Variants in DLG2 observed in about 807,000 individuals in gnomAD.
DLG2 encodes discs large MAGUK scaffold protein 2, also known as disks large homolog 2.
In DLG2, 45 loss-of-function variants were observed where a neutral mutation model predicts 132.5. That is an observed-to-expected ratio of 0.34 (90% CI 0.27 to 0.44). DLG2 has a LOEUF of 0.44. Ranked by LOEUF, DLG2 falls within the 20% of genes least tolerant of loss-of-function variation. The probability of loss-of-function intolerance (pLI) is 1.00; values close to 1 mark genes in which losing one functional copy is unlikely to be tolerated. For synonymous variants in DLG2, 424 were observed against 419.6 expected (o/e 1.01, Z -0.13); for missense variants, 1,045 against 1,196.9 (o/e 0.87, Z 1.87).
intron 3 of DLG2, among the ~76,000 whole-genome samples, chr11:85,467,208 G>T (rs1020169628): frequency 7.2e-5 from 11 of 152,050 alleles, no homozygotes; most frequent in Admixed American, 6.6e-4. Context: ...GGAGATTTTG[G>T]GCTGAGACGA....
intron 6 of DLG2, chr11:84,720,590 GGAA>G (rs1565772098): frequency 1.8e-5 from 10 of 568,238 alleles, no homozygotes; most frequent in Non-Finnish European, 2.2e-5. Context: ...CCTTCCCTGG[GGAA>G]CGAGGCGTGT....
At chr11:85,024,877 A>G (rs1474383286) in intron 6 of DLG2, among the ~76,000 whole-genome samples, 1 of 152,202 alleles carries the variant, frequency 6.6e-6, no homozygotes, top group Non-Finnish European at 1.5e-5. Context: ...ATTCCTTCCA[A>G]GGTGGAAGTG....
At chr11:85,168,288 C>G (rs2078603766) in intron 4 of DLG2, among the ~76,000 whole-genome samples, 1 of 152,116 alleles carries the variant, frequency 6.6e-6, no homozygotes. Context: ...ACAACATGCT[C>G]TGAAACTTCA....
At chr11:85,199,883 T>G (rs926798887) in intron 4 of DLG2, among the ~76,000 whole-genome samples, 10 of 152,070 alleles carry the variant, frequency 6.6e-5, no homozygotes, top group African/African-American at 2.4e-4. Context: ...ATATAGAACT[T>G]TGGGTTCTAC....
chr11:84,770,878 A>C (rs375156166), intron 6 of DLG2, among the ~76,000 whole-genome samples: 6 of 149,302 alleles, frequency 4.0e-5, no homozygotes, highest in African/African-American at 1.2e-4. Context: ...CAATCTCCTG[A>C]CCCTCGTGAT....
intron 6 of DLG2, among the ~76,000 whole-genome samples, chr11:85,088,238 T>C (rs1205782623): frequency 6.6e-6 from 1 of 152,132 alleles, no homozygotes; most frequent in Non-Finnish European, 1.5e-5. Flanking sequence ...ACTAGGTAAA[T>C]GGTGAAACAA....
At chr11:84,570,468 G>T (rs1007697731) in intron 6 of DLG2, among the ~76,000 whole-genome samples, 4 of 152,130 alleles carry the variant, frequency 2.6e-5, no homozygotes, top group African/African-American at 9.7e-5. Context: ...ATTGTGAGCT[G>T]CCTGAAAGAT....
chr11:84,571,649 TAC>T (rs1390618478), intron 6 of DLG2, among the ~76,000 whole-genome samples: 1 of 152,122 alleles, frequency 6.6e-6, no homozygotes, highest in African/African-American at 2.4e-5. Context: ...ACTTTTTTTC[TAC>T]ACAGTTTCAA....
At chr11:83,505,417 A>G (rs776118935) in intron 21 of DLG2, among the ~76,000 whole-genome samples, 1 of 152,312 alleles carries the variant, frequency 6.6e-6, no homozygotes, top group African/African-American at 2.4e-5. Context: ...TTGGGCGATG[A>G]CAGGGGTGGC....
At chr11:85,138,720 T>G (rs1199035272) in intron 5 of DLG2, among the ~76,000 whole-genome samples, 1 of 150,860 alleles carries the variant, frequency 6.6e-6, no homozygotes, top group Non-Finnish European at 1.5e-5. Flanking sequence ...CAGGGATTTA[T>G]GCTTTTGCTT....
chr11:84,779,107 T>A (rs904508355), intron 6 of DLG2, among the ~76,000 whole-genome samples: 4 of 152,074 alleles, frequency 2.6e-5, no homozygotes, highest in African/African-American at 4.8e-5. Flanking sequence ...CCCCTCAACT[T>A]GCAGATGGCC....
In DLG2 at chr11:84,066,633, C is replaced by T. The variant is rs530993462; in HGVS notation, c.750-7149G>A. Among the ~76,000 whole-genome samples, 67 of 152,148 alleles carry T rather than the reference C, an allele frequency of 4.4e-4. No homozygotes were observed. In the East Asian group the frequency reaches 4.8e-3, roughly 11 times the overall value. On this transcript the variant is annotated intron_variant, in intron 10 of 27. Transcript: ENST00000376104. ...AAAATTAGCCACGCATGGTGGCAGGCGCCTGTAATCCCAGCTACTAAGGAG... is the reference window on the plus strand; with the variant it reads ...AAAATTAGCCACGCATGGTGGCAGGTGCCTGTAATCCCAGCTACTAAGGAG...
intron 6 of DLG2, among the ~76,000 whole-genome samples, chr11:84,886,525 C>T (rs183531481): frequency 2.0e-4 from 30 of 152,236 alleles, no homozygotes; most frequent in African/African-American, 7.0e-4. Context: ...CTTGGCACCA[C>T]TGTCAGGTTT....
intron 7 of DLG2, among the ~76,000 whole-genome samples, chr11:84,460,375 T>A (rs1028618692): frequency 6.6e-6 from 1 of 150,642 alleles, no homozygotes; most frequent in African/African-American, 2.4e-5. Context: ...TAATATTGCT[T>A]CATCAAGCAA....
At chr11:84,826,767 C>A (rs554354617) in intron 6 of DLG2, among the ~76,000 whole-genome samples, 1 of 151,974 alleles carries the variant, frequency 6.6e-6, no homozygotes, top group African/African-American at 2.4e-5. Context: ...ACAACCTCTG[C>A]TGCTGCCTTG....
At chr11:85,598,516 A>G (rs2079938354) in intron 3 of DLG2, 141 bp downstream of exon 3, 2 of 474,718 alleles carry the variant, frequency 4.2e-6, no homozygotes, top group Non-Finnish European at 6.9e-6. Context: ...AAAATAAAAC[A>G]AAACAAATCT....
At chr11:85,355,459 T>C (rs2083620047) in intron 3 of DLG2, among the ~76,000 whole-genome samples, 1 of 152,136 alleles carries the variant, frequency 6.6e-6, no homozygotes, top group Non-Finnish European at 1.5e-5. Context: ...AGAATACTTA[T>C]CAAGATTCTT....
intron 8 of DLG2, among the ~76,000 whole-genome samples, chr11:84,226,206 G>T (rs138777509): frequency 1.5e-3 from 230 of 152,292 alleles, no homozygotes; most frequent in Middle Eastern, 6.8e-3. Context: ...CATTTTTTAA[G>T]TCCCTAACAT....
chr11:85,098,957 G>GT (rs1238605274), intron 6 of DLG2, among the ~76,000 whole-genome samples: 3 of 152,174 alleles, frequency 2.0e-5, no homozygotes, highest in African/African-American at 7.2e-5. Flanking sequence ...GATGCTTCTT[G>GT]TTGCTGAAGC....
Sources: gnomAD v4.1 joint callset for allele counts (sites outside exome capture counted in the v4.1 genomes callset) on GRCh38, gnomAD v4.1.1 for gene constraint, MANE v1.5 for transcripts, NCBI Gene and HGNC (gene_info 2026-07-23, HGNC 2026-07-21) for gene names.